The following GRM5 variants were observed in gnomAD, a reference collection of about 807,000 sequenced individuals.
GRM5 encodes the protein metabotropic glutamate receptor 5.
A neutral mutation model predicts 83.1 loss-of-function variants in GRM5; 19 were observed. The ratio of observed to expected loss-of-function variants is 0.23; its 90% CI spans 0.16 to 0.34. The LOEUF (loss-of-function observed/expected upper bound fraction) is 0.34. Ranked by LOEUF, GRM5 falls within the 10% of genes least tolerant of loss-of-function variation. The probability of loss-of-function intolerance (pLI) is 1.00; values close to 1 mark genes in which losing one functional copy is unlikely to be tolerated. For synonymous variants in GRM5, 675 were observed against 633.6 expected, an observed-to-expected ratio of 1.07 and a Z score of -0.98; for missense variants, 1,160 against 1,588.3, an observed-to-expected ratio of 0.73 and a Z score of 4.58.
intron 7 of GRM5, among the ~76,000 whole-genome samples, chr11:88,584,806 CT>C (rs551569515): frequency 8.5e-4 from 130 of 152,270 alleles, no homozygotes; most frequent in Admixed American, 1.5e-3. Flanking sequence ...TAAAACTATT[CT>C]CTCCACTAGA....
At chr11:88,861,231 G>A (rs528714634) in intron 2 of GRM5, among the ~76,000 whole-genome samples, 56 of 152,110 alleles carry the variant, frequency 3.7e-4, no homozygotes, top group African/African-American at 1.3e-3. Flanking sequence ...AACTTTTCAT[G>A]ATCTGCTGCT....
chr11:88,649,794 G>A (rs117036101), intron 4 of GRM5, among the ~76,000 whole-genome samples: 22 of 151,692 alleles, frequency 1.5e-4, no homozygotes, highest in African/African-American at 2.7e-4. Context: ...GTATATCTGC[G>A]TATACAAGAA....
intron 2 of GRM5, among the ~76,000 whole-genome samples, chr11:88,977,254 C>T (rs1407770564): frequency 6.6e-6 from 1 of 150,898 alleles, no homozygotes; most frequent in Non-Finnish European, 1.5e-5. Context: ...GCTCTGTCAC[C>T]CAGGCTGGAC....
intron 3 of GRM5, among the ~76,000 whole-genome samples, chr11:88,823,449 G>C (rs1298504331): frequency 6.6e-6 from 1 of 151,600 alleles, no homozygotes; most frequent in African/African-American, 2.4e-5. Flanking sequence ...TTTGTGCTCT[G>C]TCTTCAGTGT....
chr11:89,008,187 C>T (rs182145097), intron 2 of GRM5, among the ~76,000 whole-genome samples: 1 of 152,054 alleles, frequency 6.6e-6, no homozygotes, highest in Non-Finnish European at 1.5e-5. Flanking sequence ...TCTTTGAAAA[C>T]CTATGCTGGA....
rs555669190 is a variant in GRM5, at chr11:88,925,063, T to C, written c.662-74908A>G. On this transcript the variant is annotated intron_variant, in intron 2 of 9. Transcript: ENST00000305447. ...AAGGATCATGTGTTTTTATTAAAAT[T>C]ATGTAGTTATATATAACTACACGTG... is the stretch of plus-strand genomic sequence containing the variant. Among the ~76,000 whole-genome samples, 650 of 152,212 alleles carry C rather than the reference T, an allele frequency of 4.3e-3. 6 individuals are homozygous for C. Among genetic ancestry groups the C allele is most frequent in the African/African-American group, 0.015 (616 of 41,546 alleles).
intron 3 of GRM5, among the ~76,000 whole-genome samples, chr11:88,683,269 G>A (rs1321987454): frequency 6.6e-6 from 1 of 152,136 alleles, no homozygotes; most frequent in African/African-American, 2.4e-5. Flanking sequence ...GGGTATGGGT[G>A]TTTGTGAATC....
At chr11:88,538,823 C>G (rs1942196865) in intron 8 of GRM5, among the ~76,000 whole-genome samples, 1 of 152,190 alleles carries the variant, frequency 6.6e-6, no homozygotes, top group Non-Finnish European at 1.5e-5. Context: ...CACAGGAGAT[C>G]AAGTGATTTG....
chr11:89,015,034 T>C (rs1287240027), intron 2 of GRM5, among the ~76,000 whole-genome samples: 1 of 152,116 alleles, frequency 6.6e-6, no homozygotes, highest in Non-Finnish European at 1.5e-5. Context: ...ATCAATGAAA[T>C]CATATGAAAC....
intron 3 of GRM5, among the ~76,000 whole-genome samples, chr11:88,842,293 G>GA (rs1455255157): frequency 1.3e-5 from 2 of 152,038 alleles, no homozygotes; most frequent in African/African-American, 4.8e-5. Flanking sequence ...CCTATCAACT[G>GA]AAAAAAATAT....
chr11:88,804,689 TAATAA>T (rs1034769949), intron 3 of GRM5, among the ~76,000 whole-genome samples: 6 of 151,692 alleles, frequency 4.0e-5, no homozygotes, highest in South Asian at 4.2e-4. Context: ...AGTATAATAA[TAATAA>T]AATAAAATAA....
At chr11:88,841,988 ACTT>A (rs1332490521) in intron 3 of GRM5, among the ~76,000 whole-genome samples, 2 of 152,196 alleles carry the variant, frequency 1.3e-5, no homozygotes, top group Admixed American at 1.3e-4. Context: ...CTTTGAAATT[ACTT>A]CAGTAGTACA....
chr11:88,746,232 C>T (rs997776392), intron 3 of GRM5, among the ~76,000 whole-genome samples: 3 of 151,578 alleles, frequency 2.0e-5, no homozygotes, highest in African/African-American at 7.3e-5. Flanking sequence ...ATTCTTACTC[C>T]CACAGCTCTG....
chr11:88,709,008 A>AT (rs909967387), intron 3 of GRM5, among the ~76,000 whole-genome samples: 11 of 151,056 alleles, frequency 7.3e-5, no homozygotes, highest in African/African-American at 1.2e-4. Flanking sequence ...TGGTTAGCCC[A>AT]TTTTTTTTTC....
At chr11:88,603,538 A>G (rs1467961447) in intron 5 of GRM5, among the ~76,000 whole-genome samples, 3 of 152,120 alleles carry the variant, frequency 2.0e-5, no homozygotes, top group Non-Finnish European at 4.4e-5. Flanking sequence ...CTTCATGGAT[A>G]TACGTAAGAG....
chr11:88,894,686 C>T (rs1212510851), intron 2 of GRM5, among the ~76,000 whole-genome samples: 1 of 151,638 alleles, frequency 6.6e-6, no homozygotes, highest in Non-Finnish European at 1.5e-5. Context: ...GTGTTCTCCT[C>T]AAAAAATCAT....
At chr11:88,849,824 T>A in intron 3 of GRM5, 82 bp downstream of exon 3, 1 of 1,323,098 alleles carries the variant, frequency 7.6e-7, no homozygotes, top group South Asian at 1.3e-5. Context: ...GAAAGAATTT[T>A]TTATCATACA....
At chr11:88,907,891 A>G (rs1392671148) in intron 2 of GRM5, among the ~76,000 whole-genome samples, 1 of 152,172 alleles carries the variant, frequency 6.6e-6, no homozygotes, top group Admixed American at 6.5e-5. Context: ...ATGCACATAA[A>G]TGGTAGCTTT....
At chr11:89,005,638 G>C (rs915857788) in intron 2 of GRM5, among the ~76,000 whole-genome samples, 1 of 152,108 alleles carries the variant, frequency 6.6e-6, no homozygotes, top group Admixed American at 6.5e-5. Context: ...GAGATTCTGC[G>C]AGTATTAAAT....
Sources: allele counts gnomAD v4.1 joint callset (sites outside exome capture counted in the v4.1 genomes callset), GRCh38; gene constraint gnomAD v4.1.1; transcripts MANE v1.5; gene names NCBI Gene and HGNC (gene_info 2026-07-23, HGNC 2026-07-21).